Variants in COL4A5 observed in about 807,000 individuals in gnomAD.
COL4A5 encodes the protein collagen type IV alpha 5 chain, also known as collagen alpha-5(IV) chain.
In COL4A5, 26 loss-of-function variants were observed where a neutral mutation model predicts 130.2. The observed-to-expected ratio is 0.20, with a 90% CI of 0.15 to 0.28. The LOEUF (loss-of-function observed/expected upper bound fraction) is 0.28. Among genes scored for constraint, COL4A5 ranks in the 10% least tolerant of loss-of-function variants. COL4A5 has a pLI of 1.00. For synonymous variants in COL4A5, 496 were observed against 439.6 expected (o/e 1.13, Z -1.60); for missense variants, 1,131 against 1,344.3 (o/e 0.84, Z 2.48).
intron 1 of COL4A5, among the ~76,000 whole-genome samples, chrX:108,452,335 A>C (rs2064526066): frequency 9.0e-6 from 1 of 111,686 alleles, no homozygotes; most frequent in African/African-American, 3.3e-5. Context: ...TATGAACTTT[A>C]AAGTAGTTTT....
intron 21 of COL4A5, among the ~76,000 whole-genome samples, chrX:108,595,096 C>G (rs1010923338): frequency 1.8e-5 from 2 of 111,634 alleles, no homozygotes; most frequent in African/African-American, 6.5e-5. Context: ...CTCCTCATCT[C>G]AAGCTATCTG....
At chrX:108,461,238 G>A (rs766580392) in intron 1 of COL4A5, among the ~76,000 whole-genome samples, 54 of 111,557 alleles carry the variant, frequency 4.8e-4, no homozygotes, top group Non-Finnish European at 8.8e-4. Flanking sequence ...ATATTTATCT[G>A]TATCCTAGTA....
At chrX:108,636,129 C>A (rs2067349488) in intron 36 of COL4A5, among the ~76,000 whole-genome samples, 1 of 111,452 alleles carries the variant, frequency 9.0e-6, no homozygotes, top group Non-Finnish European at 1.9e-5. Flanking sequence ...AAATAAAAAA[C>A]AAAACAAAAA....
At chrX:108,681,949 C>T in intron 47 of COL4A5, 61 bp downstream of exon 47, 1 of 1,058,715 alleles carries the variant, frequency 9.4e-7, no homozygotes, top group Admixed American at 2.3e-5. Context: ...GATACATGTG[C>T]AGAATGTACA....
In COL4A5 at chrX:108,601,501, A is replaced by G. The variant is rs751734617; in HGVS notation, c.2041+16A>G. On this transcript the variant is annotated intron_variant, in intron 26 of 52. Coordinates refer to ENST00000328300, the MANE Select transcript of COL4A5 (RefSeq NM_033380.3). Reference sequence around the variant, plus strand: ...GGTCTTCCAGGTATGTGAGGAATTTATTTCAAAGTAACTTCAACACCGATG... The same window carrying G: ...GGTCTTCCAGGTATGTGAGGAATTTGTTTCAAAGTAACTTCAACACCGATG... The G allele has an allele frequency of 4.2e-6, 4 of 960,147 alleles. No individual in the cohort carries two copies. In the South Asian group the frequency reaches 7.9e-5, roughly 19 times the overall value. The allele number at this position is 960,147 out of a possible 1,213,427, so 79.1% of individuals were successfully genotyped here.
chrX:108,673,911 G>T (rs2068254279), intron 42 of COL4A5, among the ~76,000 whole-genome samples: 1 of 108,154 alleles, frequency 9.2e-6, no homozygotes, highest in Non-Finnish European at 1.9e-5. Flanking sequence ...GCGTGGTGGT[G>T]GGTGCCTGTA....
intron 37 of COL4A5, among the ~76,000 whole-genome samples, chrX:108,660,667 C>G (rs1021480815): frequency 2.9e-4 from 32 of 111,300 alleles, no homozygotes; most frequent in African/African-American, 9.1e-4. Flanking sequence ...GAGATTTTCT[C>G]TCTGTAATTG....
intron 2 of COL4A5, among the ~76,000 whole-genome samples, chrX:108,549,783 A>T (rs1488848832): frequency 1.8e-5 from 2 of 111,432 alleles, no homozygotes; most frequent in Non-Finnish European, 3.8e-5. Flanking sequence ...AAAATTTGGT[A>T]ATTGATAGCA....
Position 108,440,058 on chromosome X carries a change from T to C in COL4A5, c.-68T>C. 1.2e-6 allele frequency: 1 copy of C among 843,784 alleles called. No individual in the cohort carries two copies. Among genetic ancestry groups the C allele is most frequent in the Non-Finnish European group, 1.8e-6 (1 of 569,341 alleles). The allele number at this position is 843,784 out of a possible 1,213,427, so 69.5% of individuals were successfully genotyped here. Reference sequence around the variant, plus strand: ...CTCTCCATATAAACCCTCAAGATTATGTCAATTGGTTAGAGCCAGCCGGGA... The same window carrying C: ...CTCTCCATATAAACCCTCAAGATTACGTCAATTGGTTAGAGCCAGCCGGGA... On this transcript the variant is annotated 5_prime_UTR_variant, in exon 1 of 53. An upstream start codon of the reference 5' UTR is lost. Coordinates refer to ENST00000328300, the MANE Select transcript of COL4A5 (RefSeq NM_033380.3).
chrX:108,565,303 A>G (rs780021527), intron 4 of COL4A5, among the ~76,000 whole-genome samples: 1 of 111,816 alleles, frequency 8.9e-6, no homozygotes, highest in East Asian at 2.8e-4. Flanking sequence ...AATGTATACA[A>G]ATGTACAGAG....
intron 1 of COL4A5, among the ~76,000 whole-genome samples, chrX:108,529,755 T>C (rs1053174682): frequency 5.4e-5 from 6 of 110,202 alleles, no homozygotes; most frequent in African/African-American, 2.0e-4. Context: ...CAGGAATAGC[T>C]ATACCTATAT....
At chrX:108,488,411 T>A (rs2064966335) in intron 1 of COL4A5, among the ~76,000 whole-genome samples, 1 of 112,654 alleles carries the variant, frequency 8.9e-6, no homozygotes, top group African/African-American at 3.2e-5. Context: ...TTGTAATACA[T>A]CATTTCAGAT....
intron 29 of COL4A5, among the ~76,000 whole-genome samples, chrX:108,607,234 G>A (rs1763949732): frequency 9.3e-6 from 1 of 107,610 alleles, no homozygotes; most frequent in Admixed American, 1.0e-4. Flanking sequence ...GGGCATGGTG[G>A]CACATGTTTG....
At chrX:108,601,732 C>T (rs1032118780) in intron 26 of COL4A5, among the ~76,000 whole-genome samples, 153 bp from the exon 27 acceptor site, 2 of 110,742 alleles carry the variant, frequency 1.8e-5, no homozygotes, top group African/African-American at 3.3e-5. Flanking sequence ...AGTTTCTCCA[C>T]GTTGGCCAGG....
intron 36 of COL4A5, among the ~76,000 whole-genome samples, chrX:108,640,254 G>C (rs1220435027): frequency 9.0e-6 from 1 of 111,544 alleles, no homozygotes; most frequent in Non-Finnish European, 1.9e-5. Flanking sequence ...GATTAACTTT[G>C]AAGCCGTTAT....
At chrX:108,630,348 T>G (rs1206337420) in intron 36 of COL4A5, among the ~76,000 whole-genome samples, 1 of 111,896 alleles carries the variant, frequency 8.9e-6, no homozygotes, top group Non-Finnish European at 1.9e-5. Context: ...ATGATCACCA[T>G]TCTAACTGGT....
intron 1 of COL4A5, among the ~76,000 whole-genome samples, chrX:108,514,730 G>A (rs1272526600): frequency 8.9e-6 from 1 of 112,030 alleles, no homozygotes; most frequent in Admixed American, 9.5e-5. Context: ...AGAGCTTTCT[G>A]GCTAAAGTAT....
chrX:108,626,661 G>A, intron 36 of COL4A5: 3 of 1,011,835 alleles, frequency 3.0e-6, no homozygotes, highest in Non-Finnish European at 3.8e-6. Context: ...TAGTGATGGA[G>A]TTGTTGGCCT....
intron 2 of COL4A5, among the ~76,000 whole-genome samples, chrX:108,541,834 A>G (rs1343486896): frequency 8.9e-6 from 1 of 112,198 alleles, no homozygotes; most frequent in Non-Finnish European, 1.9e-5. Flanking sequence ...CTATTTCTTA[A>G]AATAGAAGTT....
Sources: allele counts gnomAD v4.1 joint callset (sites outside exome capture counted in the v4.1 genomes callset), GRCh38; gene constraint gnomAD v4.1.1; transcripts MANE v1.5; gene names NCBI Gene and HGNC (gene_info 2026-07-23, HGNC 2026-07-21).